Variants in NXPE2 observed in about 807,000 individuals in gnomAD.
NXPE2 encodes NXPE family member 2.
A neutral mutation model predicts 34.4 loss-of-function variants in NXPE2; 34 were observed. The observed-to-expected ratio is 0.99, with a 90% confidence interval of 0.75 to 1.31. NXPE2 has a LOEUF of 1.31. Ranked by LOEUF, NXPE2 falls within the 40% of genes most tolerant of loss-of-function variation. The pLI, the probability that NXPE2 is intolerant of heterozygous loss-of-function variation, is 0.00. For synonymous variants in NXPE2, 235 were observed against 231.3 expected, an observed-to-expected ratio of 1.02 and a Z score of -0.15; for missense variants, 649 against 672.5, an observed-to-expected ratio of 0.97 and a Z score of 0.39.
the NXPE2 span, among the ~76,000 whole-genome samples, chr11:114,625,656 G>A: frequency 2.0e-5 from 3 of 152,066 alleles, no homozygotes; most frequent in Admixed American, 6.6e-5. Flanking sequence ...AATAAGTATT[G>A]CCTCTCAGGG....
the NXPE2 span, among the ~76,000 whole-genome samples, chr11:114,800,411 G>A: frequency 5.3e-5 from 8 of 152,178 alleles, no homozygotes; most frequent in Non-Finnish European, 1.2e-4. Flanking sequence ...AGGTAGTAGC[G>A]AAGGTTAGAC....
chr11:114,603,974 G>T, the NXPE2 span, among the ~76,000 whole-genome samples: 3 of 151,400 alleles, frequency 2.0e-5, no homozygotes, highest in Non-Finnish European at 2.9e-5. Context: ...ACTATTACCT[G>T]GTGGATAATA....
the NXPE2 span, among the ~76,000 whole-genome samples, chr11:114,630,835 C>G: frequency 6.6e-6 from 1 of 151,668 alleles, no homozygotes; most frequent in African/African-American, 2.4e-5. Context: ...AAGAAAAAAA[C>G]AAACAACCCC....
chr11:114,647,986 CA>C, the NXPE2 span, among the ~76,000 whole-genome samples: 1 of 152,158 alleles, frequency 6.6e-6, no homozygotes, highest in South Asian at 2.1e-4. Flanking sequence ...AGGCATGAGC[CA>C]CTGTTGCCGG....
At chr11:114,645,862 A>C in the NXPE2 span, among the ~76,000 whole-genome samples, 1 of 152,220 alleles carries the variant, frequency 6.6e-6, no homozygotes, top group Non-Finnish European at 1.5e-5. Flanking sequence ...TATAAAAATT[A>C]TAATTTGTTG....
chr11:114,648,202 G>A, the NXPE2 span, among the ~76,000 whole-genome samples: 1 of 151,996 alleles, frequency 6.6e-6, no homozygotes, highest in Non-Finnish European at 1.5e-5. Context: ...GTGATTCAGG[G>A]AGGGGCCCCG....
the NXPE2 span, among the ~76,000 whole-genome samples, chr11:114,669,072 C>T: frequency 6.6e-6 from 1 of 151,960 alleles, no homozygotes; most frequent in Non-Finnish European, 1.5e-5. Flanking sequence ...ACAGAAAATT[C>T]CTATGCTCTG....
chr11:114,658,678 G>A, the NXPE2 span, among the ~76,000 whole-genome samples: 2 of 152,176 alleles, frequency 1.3e-5, no homozygotes, highest in Non-Finnish European at 2.9e-5. Context: ...AACTTCTTGA[G>A]GAAGGGCAGA....
chr11:114,639,859 T>TTTTATATA, the NXPE2 span, among the ~76,000 whole-genome samples: 1 of 69,324 alleles, frequency 1.4e-5, no homozygotes, highest in Non-Finnish European at 2.5e-5. Flanking sequence ...ATAATATATA[T>TTTTATATA]TATATTTTAT....
At chr11:114,574,125 TA>T in the NXPE2 span, among the ~76,000 whole-genome samples, 1 of 152,012 alleles carries the variant, frequency 6.6e-6, no homozygotes, top group South Asian at 2.1e-4. Context: ...GAGTCAACAA[TA>T]AAATCAAGAT....
chr11:114,569,841 A>AC, the NXPE2 span, among the ~76,000 whole-genome samples: 1 of 151,500 alleles, frequency 6.6e-6, no homozygotes, highest in Non-Finnish European at 1.5e-5. Flanking sequence ...GTGACCCCTC[A>AC]CCCCCACACT....
the NXPE2 span, among the ~76,000 whole-genome samples, chr11:114,564,092 G>A: frequency 6.6e-6 from 1 of 152,022 alleles, no homozygotes; most frequent in Non-Finnish European, 1.5e-5. Flanking sequence ...AGAAAATGTG[G>A]TATATATATA....
At chr11:114,773,064 G>T in the NXPE2 span, among the ~76,000 whole-genome samples, 611 of 152,246 alleles carry the variant, frequency 4.0e-3, 3 homozygotes, top group African/African-American at 0.014. Context: ...AGAGGAACAG[G>T]TGAGATGATC....
chr11:114,781,249 C>T, the NXPE2 span, among the ~76,000 whole-genome samples: 1 of 152,204 alleles, frequency 6.6e-6, no homozygotes, highest in Admixed American at 6.5e-5. Flanking sequence ...TACTCATCTG[C>T]AGCTTCCCTG....
intron 2 of NXPE2, among the ~76,000 whole-genome samples, chr11:114,689,313 A>T (rs1011693602): frequency 8.6e-5 from 13 of 151,876 alleles, no homozygotes; most frequent in African/African-American, 2.2e-4. Flanking sequence ...TCAATTTTTT[A>T]AAATTTCTGC....
chr11:114,786,227 T>C, the NXPE2 span, among the ~76,000 whole-genome samples: 1 of 152,194 alleles, frequency 6.6e-6, no homozygotes, highest in Non-Finnish European at 1.5e-5. Context: ...ATCTGGAAGG[T>C]AGATTATTGG....
the NXPE2 span, among the ~76,000 whole-genome samples, chr11:114,473,991 G>T: frequency 0.25 from 38,562 of 151,976 alleles, 5,039 homozygotes; most frequent in East Asian, 0.37. Flanking sequence ...AAGGATGGGG[G>T]CGAGAAAGAG....
At chr11:114,570,670 T>C in the NXPE2 span, 1 of 264,436 alleles carries the variant, frequency 3.8e-6, no homozygotes, top group African/African-American at 2.2e-5. Context: ...TACCCATAGG[T>C]GTCTTGACTT....
the NXPE2 span, among the ~76,000 whole-genome samples, chr11:114,566,157 G>A: frequency 6.6e-6 from 1 of 152,174 alleles, no homozygotes; most frequent in Non-Finnish European, 1.5e-5. Flanking sequence ...AGATATGCAA[G>A]TCCTAAGTGC....
Sources: gnomAD v4.1 joint callset for allele counts (sites outside exome capture counted in the v4.1 genomes callset) on GRCh38, gnomAD v4.1.1 for gene constraint, MANE v1.5 for transcripts, NCBI Gene and HGNC (gene_info 2026-07-23, HGNC 2026-07-21) for gene names.